Variants in CDH10 observed in about 807,000 individuals in gnomAD.
CDH10 encodes the protein cadherin 10.
A neutral mutation model predicts 73.1 loss-of-function variants in CDH10; 30 were observed. The ratio of observed to expected loss-of-function variants is 0.41; its 90% CI spans 0.31 to 0.56. The LOEUF (loss-of-function observed/expected upper bound fraction) is 0.56, where lower values mean the gene tolerates loss of function less well. CDH10 is among the 20% of genes least tolerant of loss of function. The pLI, the probability that CDH10 is intolerant of heterozygous loss-of-function variation, is 0.27. For synonymous variants in CDH10, 345 were observed against 348.2 expected, an observed-to-expected ratio of 0.99 and a Z score of 0.10; for missense variants, 815 against 973.7, an observed-to-expected ratio of 0.84 and a Z score of 2.17.
chr5:24,554,193 TAACTCTAAGTAAAG>T (rs1442105375), intron 2 of CDH10: 1 of 66,498 alleles, frequency 1.5e-5, no homozygotes, highest in East Asian at 1.1e-3. Context: ...ACTTCGTAAG[TAACTCTAAGTAAAG>T]AAACACCCAG....
intron 5 of CDH10, among the ~76,000 whole-genome samples, chr5:24,530,437 A>C (rs1451577924): frequency 1.3e-5 from 2 of 152,104 alleles, no homozygotes; most frequent in East Asian, 1.9e-4. Context: ...AATTTTACAT[A>C]ATTTTATGAT....
intron 1 of CDH10, among the ~76,000 whole-genome samples, chr5:24,629,938 G>A (rs970218159): frequency 6.6e-6 from 1 of 152,090 alleles, no homozygotes; most frequent in Non-Finnish European, 1.5e-5. Flanking sequence ...TCTCTCATGA[G>A]TCATTTAATC....
intron 2 of CDH10, among the ~76,000 whole-genome samples, chr5:24,574,232 C>A (rs1267033604): frequency 6.6e-6 from 1 of 152,066 alleles, no homozygotes; most frequent in Admixed American, 6.6e-5. Flanking sequence ...CTTTGCAGTC[C>A]TCAAGCCACT....
chr5:24,529,595 C>A (rs1743654464), intron 5 of CDH10, among the ~76,000 whole-genome samples: 1 of 151,934 alleles, frequency 6.6e-6, no homozygotes, highest in Non-Finnish European at 1.5e-5. Flanking sequence ...CTTTTGCGTG[C>A]ATTTAGGATT....
intron 5 of CDH10, among the ~76,000 whole-genome samples, chr5:24,523,210 T>A (rs1439911416): frequency 1.3e-5 from 2 of 152,044 alleles, no homozygotes; most frequent in Non-Finnish European, 2.9e-5. Context: ...TAAACATATC[T>A]CAACAAATAA....
At chr5:24,563,463 A>G (rs1561165487) in intron 2 of CDH10, among the ~76,000 whole-genome samples, 2 of 148,246 alleles carry the variant, frequency 1.3e-5, no homozygotes, top group African/African-American at 5.0e-5. Context: ...AAAAAAAAAA[A>G]CTATGTAAAC....
intron 1 of CDH10, among the ~76,000 whole-genome samples, chr5:24,630,308 A>T (rs1268496929): frequency 6.6e-6 from 1 of 151,924 alleles, no homozygotes. Context: ...AGCACTTTGT[A>T]ATCCCAGCTG....
chr5:24,492,132 C>T (rs887963040), intron 10 of CDH10, among the ~76,000 whole-genome samples: 3 of 152,246 alleles, frequency 2.0e-5, no homozygotes, highest in Admixed American at 6.5e-5. Context: ...TGGCTTTTCT[C>T]TTTTCAAAAA....
intron 1 of CDH10, among the ~76,000 whole-genome samples, chr5:24,625,279 T>A (rs1747454768): frequency 6.6e-6 from 1 of 152,010 alleles, no homozygotes; most frequent in Non-Finnish European, 1.5e-5. Flanking sequence ...CTCTCCTTGC[T>A]CTTTAGTTAT....
At chr5:24,520,586 G>C (rs192013662) in intron 5 of CDH10, among the ~76,000 whole-genome samples, 26 of 152,254 alleles carry the variant, frequency 1.7e-4, no homozygotes, top group African/African-American at 6.3e-4. Context: ...AAAAGGAGAG[G>C]ATGATATATG....
chr5:24,562,476 A>G (rs1030760649), intron 2 of CDH10, among the ~76,000 whole-genome samples: 1 of 152,128 alleles, frequency 6.6e-6, no homozygotes, highest in Non-Finnish European at 1.5e-5. Flanking sequence ...TGATTTTCCT[A>G]TAATCATACT....
chr5:24,502,725 G>T (rs1369452602), intron 8 of CDH10, among the ~76,000 whole-genome samples: 3 of 152,088 alleles, frequency 2.0e-5, no homozygotes, highest in African/African-American at 7.2e-5. Flanking sequence ...TATCTGTAAG[G>T]GAAAATGCAA....
intron 1 of CDH10, among the ~76,000 whole-genome samples, chr5:24,620,170 T>C (rs955452445): frequency 7.9e-5 from 12 of 152,212 alleles, no homozygotes; most frequent in African/African-American, 2.9e-4. Context: ...CACACGTTAA[T>C]AGGCATAATA....
chr5:24,527,280 AAT>A (rs1426038747), intron 5 of CDH10, among the ~76,000 whole-genome samples: 3 of 147,832 alleles, frequency 2.0e-5, no homozygotes, highest in Non-Finnish European at 4.5e-5. Context: ...TACTTATATA[AAT>A]ATAGTCTTAT....
intron 7 of CDH10, among the ~76,000 whole-genome samples, chr5:24,508,085 C>T (rs1462783924): frequency 4.6e-5 from 7 of 152,098 alleles, no homozygotes; most frequent in Non-Finnish European, 7.4e-5. Context: ...GGTAAGAGTG[C>T]GCTCAGAAAG....
chr5:24,489,574 T>C (rs781247355), intron 11 of CDH10, among the ~76,000 whole-genome samples: 1 of 152,146 alleles, frequency 6.6e-6, no homozygotes, highest in African/African-American at 2.4e-5. Flanking sequence ...AACTTTCTAA[T>C]GTTGAGGATA....
intron 2 of CDH10, among the ~76,000 whole-genome samples, chr5:24,557,358 C>G (rs975975838): frequency 1.3e-5 from 2 of 151,132 alleles, no homozygotes; most frequent in African/African-American, 4.9e-5. Context: ...ATTTAATGTC[C>G]CTAATTTACA....
Position 24,644,718 on chromosome 5 carries a change from C to G in CDH10, c.-248G>C, listed in dbSNP as rs1748160015. 1 of 151,678 alleles carries G rather than the reference C, an allele frequency of 6.6e-6. No homozygotes were observed. Among genetic ancestry groups the G allele is most frequent in the Non-Finnish European group, 1.5e-5 (1 of 67,992 alleles). 9.4% of individuals were successfully genotyped at this position (151,678 alleles called of 1,614,324 possible). A position where few individuals can be genotyped will look rare whatever the true frequency, so the allele number is the denominator to read the frequency against. On this transcript the variant is annotated 5_prime_UTR_variant, in exon 1 of 12. The change abolishes the stop of an existing upstream ORF in the 5' untranslated region. Coordinates refer to ENST00000264463, the MANE Select transcript of CDH10 (RefSeq NM_006727.5). ...TTTCTATCACTGATTCTACTTCAAT[C>G]TAACTCAAGCTCTTTCTCAGCATCA...
At chr5:24,495,808 C>T (rs564698004) in intron 9 of CDH10, among the ~76,000 whole-genome samples, 19 of 150,322 alleles carry the variant, frequency 1.3e-4, no homozygotes, top group African/African-American at 4.2e-4. Flanking sequence ...GCCGAGATCA[C>T]GCCACTCACT....
Sources: allele counts gnomAD v4.1 joint callset (sites outside exome capture counted in the v4.1 genomes callset), GRCh38; gene constraint gnomAD v4.1.1; transcripts MANE v1.5; gene names NCBI Gene and HGNC (gene_info 2026-07-23, HGNC 2026-07-21).